MPPED2: variants seen among roughly 807,000 people sequenced by gnomAD.
MPPED2 encodes metallophosphoesterase domain containing 2.
A neutral mutation model predicts 33.0 loss-of-function variants in MPPED2; 5 were observed. That is an observed-to-expected ratio of 0.15 (90% CI 0.08 to 0.32). MPPED2 has a LOEUF of 0.32. Ranked by LOEUF, MPPED2 falls within the 10% of genes least tolerant of loss-of-function variation. The pLI is 1.00. For synonymous variants in MPPED2, 136 were observed against 141.9 expected (o/e 0.96, Z 0.29); for missense variants, 275 against 372.1 (o/e 0.74, Z 2.15).
chr11:30,464,410 AACAC>A (rs1269623251), intron 4 of MPPED2, among the ~76,000 whole-genome samples: 1 of 152,218 alleles, frequency 6.6e-6, no homozygotes, highest in East Asian at 1.9e-4. Context: ...AGAAATTGAT[AACAC>A]TACATTGAAA....
intron 4 of MPPED2, among the ~76,000 whole-genome samples, chr11:30,491,122 C>G (rs1020086334): frequency 2.0e-5 from 3 of 152,124 alleles, no homozygotes; most frequent in Non-Finnish European, 4.4e-5. Flanking sequence ...GTGTAAATCT[C>G]AGAGATGGAA....
intron 4 of MPPED2, among the ~76,000 whole-genome samples, chr11:30,428,311 A>G (rs1948932652): frequency 6.6e-6 from 1 of 152,214 alleles, no homozygotes; most frequent in Non-Finnish European, 1.5e-5. Context: ...CTTACAAATA[A>G]TTCTCACATT....
At chr11:30,489,455 A>ATGAT (rs1951878322) in intron 4 of MPPED2, among the ~76,000 whole-genome samples, 1 of 152,242 alleles carries the variant, frequency 6.6e-6, no homozygotes, top group South Asian at 2.1e-4. Context: ...GAATGAATGA[A>ATGAT]TTCAACATGG....
At chr11:30,460,684 G>C (rs1228316354) in intron 4 of MPPED2, among the ~76,000 whole-genome samples, 6 of 152,076 alleles carry the variant, frequency 3.9e-5, no homozygotes, top group Admixed American at 3.9e-4. Context: ...TTTAAATTAA[G>C]AAAAGAATCA....
chr11:30,506,425 T>G (rs192214098), intron 3 of MPPED2, among the ~76,000 whole-genome samples: 40 of 152,342 alleles, frequency 2.6e-4, no homozygotes, highest in African/African-American at 8.2e-4. Flanking sequence ...ATGTTCTACC[T>G]CTTTAAAAGA....
At chr11:30,467,722 A>G (rs1189935625) in intron 4 of MPPED2, among the ~76,000 whole-genome samples, 1 of 152,240 alleles carries the variant, frequency 6.6e-6, no homozygotes, top group African/African-American at 2.4e-5. Flanking sequence ...TATTGATGTG[A>G]AATTTCTTGC....
chr11:30,472,152 C>T (rs1181052124), intron 4 of MPPED2, among the ~76,000 whole-genome samples: 1 of 152,116 alleles, frequency 6.6e-6, no homozygotes, highest in Non-Finnish European at 1.5e-5. Context: ...CAGTTTCAGT[C>T]TAACAATTTG....
intron 3 of MPPED2, among the ~76,000 whole-genome samples, chr11:30,524,306 C>G (rs1954042381): frequency 6.6e-6 from 1 of 151,806 alleles, no homozygotes; most frequent in African/African-American, 2.4e-5. Context: ...GGGGAGAAAA[C>G]AGTAACACAC....
chr11:30,438,940 G>C lies in MPPED2; in HGVS notation c.537-21307C>G, dbSNP rs561422818. On this transcript the variant is annotated intron_variant, in intron 4 of 6. Coordinates refer to ENST00000358117, the MANE Select transcript of MPPED2 (RefSeq NM_001584.3). ...CATCTTCCCCTTAGCATTTGGCTCA[G>C]TGTCAGACTCAGAGAAGGAACATGC... Among the ~76,000 whole-genome samples, 49 of 152,340 alleles carry C rather than the reference G, an allele frequency of 3.2e-4. 1 individual carries two copies. Among genetic ancestry groups the C allele is most frequent in the African/African-American group, 1.2e-3 (49 of 41,584 alleles).
chr11:30,429,882 C>T (rs934019499), intron 4 of MPPED2, among the ~76,000 whole-genome samples: 1 of 152,220 alleles, frequency 6.6e-6, no homozygotes, highest in African/African-American at 2.4e-5. Flanking sequence ...TGCATTATAA[C>T]TTGCTTGTGT....
At chr11:30,511,406 G>A (rs533450068) in intron 3 of MPPED2, among the ~76,000 whole-genome samples, 24 of 152,278 alleles carry the variant, frequency 1.6e-4, no homozygotes, top group Admixed American at 3.3e-4. Flanking sequence ...TAACTGCAAG[G>A]AAGAGAATTA....
intron 4 of MPPED2, among the ~76,000 whole-genome samples, chr11:30,465,415 A>G (rs570392266): frequency 1.3e-5 from 2 of 152,268 alleles, no homozygotes; most frequent in Admixed American, 1.3e-4. Flanking sequence ...AGCTTCCTGA[A>G]TAGCTGGGAT....
intron 2 of MPPED2, among the ~76,000 whole-genome samples, chr11:30,568,961 C>T (rs912978167): frequency 1.2e-4 from 18 of 152,142 alleles, no homozygotes; most frequent in African/African-American, 4.3e-4. Flanking sequence ...TGAAGCTCCA[C>T]TTACATGTTG....
intron 3 of MPPED2, among the ~76,000 whole-genome samples, chr11:30,510,045 A>G (rs1212700090): frequency 2.6e-5 from 4 of 152,226 alleles, no homozygotes; most frequent in Non-Finnish European, 4.4e-5. Context: ...GGGTCCTAAC[A>G]TTCATCTGCC....
Position 30,410,508 on chromosome 11 carries a change from T to G in MPPED2, c.*960A>C, listed in dbSNP as rs1447761617. The G allele has an allele frequency of 1.0e-6, 1 of 985,630 alleles. No homozygotes were observed. Among genetic ancestry groups the G allele is most frequent in the Non-Finnish European group, 1.2e-6 (1 of 829,936 alleles). The allele number at this position is 985,630 out of a possible 1,614,324, so 61.1% of individuals were successfully genotyped here. The stretch of plus-strand genomic sequence containing the variant: ...AAAGGACAACTAAGCCTTATTTTAG[T>G]TAGCTTCCATTGCATCCATTTAAGT... On this transcript the variant is annotated 3_prime_UTR_variant, in exon 7 of 7. Transcript: ENST00000358117.
chr11:30,550,919 C>G (rs1955680093), intron 2 of MPPED2, among the ~76,000 whole-genome samples: 1 of 152,098 alleles, frequency 6.6e-6, no homozygotes, highest in South Asian at 2.1e-4. Flanking sequence ...GACTTAAACC[C>G]AAAGAAAGTT....
chr11:30,539,455 A>T (rs898861951), intron 2 of MPPED2, among the ~76,000 whole-genome samples: 5 of 152,178 alleles, frequency 3.3e-5, no homozygotes, highest in African/African-American at 1.2e-4. Flanking sequence ...CAACAAGGTG[A>T]CATGGGAAGA....
downstream of MPPED2, among the ~76,000 whole-genome samples, chr11:30,407,756 A>G (rs1200315899): frequency 6.6e-6 from 1 of 152,166 alleles, no homozygotes; most frequent in Admixed American, 6.5e-5. Flanking sequence ...CTGCAGTCGC[A>G]GCTACTCAGG....
chr11:30,470,348 A>AT (rs972697691), intron 4 of MPPED2, among the ~76,000 whole-genome samples: 1 of 152,016 alleles, frequency 6.6e-6, no homozygotes, highest in East Asian at 1.9e-4. Flanking sequence ...GATGGGAGGA[A>AT]TTTTTTTTAA....
Sources: gnomAD v4.1 joint callset for allele counts (sites outside exome capture counted in the v4.1 genomes callset) on GRCh38, gnomAD v4.1.1 for gene constraint, MANE v1.5 for transcripts, NCBI Gene and HGNC (gene_info 2026-07-23, HGNC 2026-07-21) for gene names.